GFRA1: variants seen among roughly 807,000 people sequenced by gnomAD.
The protein encoded by GFRA1 is GDNF family receptor alpha 1, also known as GDNF family receptor alpha-1.
Under a neutral mutation model 51.6 loss-of-function variants are expected in GFRA1, and 16 were observed. The ratio of observed to expected loss-of-function variants is 0.31; its 90% CI spans 0.21 to 0.47. The LOEUF is 0.47. Among genes scored for constraint, GFRA1 ranks in the 20% least tolerant of loss-of-function variants. GFRA1 has a pLI of 1.00. For missense variants in GFRA1, 530 were observed against 594.3 expected, an observed-to-expected ratio of 0.89 and a Z score of 1.13; for synonymous variants, 270 against 241.3, an observed-to-expected ratio of 1.12 and a Z score of -1.10.
intron 5 of GFRA1, among the ~76,000 whole-genome samples, chr10:116,163,149 A>G (rs533068142): frequency 6.6e-6 from 1 of 152,326 alleles, no homozygotes; most frequent in African/African-American, 2.4e-5. Context: ...GAAGGTCACT[A>G]AACACCTCTA....
chr10:116,083,313 G>A (rs1955939602), intron 9 of GFRA1, among the ~76,000 whole-genome samples: 1 of 152,122 alleles, frequency 6.6e-6, no homozygotes, highest in Non-Finnish European at 1.5e-5. Flanking sequence ...CTCTTTCCTC[G>A]CTTCTATCTT....
chr10:116,143,433 C>T (rs1157869915), intron 5 of GFRA1, among the ~76,000 whole-genome samples: 1 of 151,904 alleles, frequency 6.6e-6, no homozygotes, highest in Non-Finnish European at 1.5e-5. Context: ...ATGACAGATA[C>T]CCTAACCTCC....
At chr10:116,216,296 C>T (rs912818459) in intron 4 of GFRA1, among the ~76,000 whole-genome samples, 1 of 152,246 alleles carries the variant, frequency 6.6e-6, no homozygotes, top group Admixed American at 6.5e-5. Context: ...CCCTCTCTTG[C>T]GCCTGGGTTA....
Position 116,058,037 on chromosome 10 carries a change from T to TGTGTGA in GFRA1, c.*6355_*6360dup. On this transcript the variant is annotated 3_prime_UTR_variant, in exon 11 of 11. Coordinates refer to ENST00000355422, the MANE Select transcript of GFRA1 (RefSeq NM_005264.8). ...GTGTGTGTGTGTGTGTGTGTGTGTG[T>TGTGTGA]GTGTGACAGAGAGAACCACGCTTTA... The TGTGTGA allele has an allele frequency of 8.5e-6, 1 of 118,312 alleles. No homozygotes were observed. Among genetic ancestry groups the TGTGTGA allele is most frequent in the Non-Finnish European group, 1.7e-5 (1 of 57,352 alleles). The allele number at this position is 118,312 out of a possible 1,614,324, so 7.3% of individuals were successfully genotyped here. A position where few individuals can be genotyped will look rare whatever the true frequency, so the allele number is the denominator to read the frequency against.
intron 4 of GFRA1, among the ~76,000 whole-genome samples, chr10:116,247,478 C>A (rs1967961440): frequency 6.6e-6 from 1 of 152,218 alleles, no homozygotes; most frequent in Non-Finnish European, 1.5e-5. Flanking sequence ...ACCCCAGAGT[C>A]CTTATCCCGT....
intron 5 of GFRA1, among the ~76,000 whole-genome samples, chr10:116,155,831 G>A (rs774575097): frequency 9.9e-5 from 15 of 152,140 alleles, no homozygotes; most frequent in Non-Finnish European, 1.6e-4. Context: ...ATGTTTATGG[G>A]CTTGGTAAAA....
intron 5 of GFRA1, among the ~76,000 whole-genome samples, chr10:116,174,634 A>G (rs1467683572): frequency 6.6e-6 from 1 of 152,168 alleles, no homozygotes; most frequent in Non-Finnish European, 1.5e-5. Context: ...AATGGGTTAG[A>G]TTTTTCAATT....
Position 116,271,125 on chromosome 10 carries a change from A to C in GFRA1, c.41-10T>G. On this transcript the variant is annotated splice_polypyrimidine_tract_variant and intron_variant, in intron 2 of 10. Transcript: ENST00000355422. ...GCCGACAGGAGCAAGTCTGCGGGGC[A>C]GAGGGGAGGGAGCCTGAGTGCGGCG... 1 of 1,596,340 alleles carries C rather than the reference A, an allele frequency of 6.3e-7. No homozygotes were observed. The highest frequency in any genetic ancestry group is 8.6e-7 in the Non-Finnish European group (1 of 1,166,812).
At chr10:116,258,461 TATGTAATATATACGTAACATATATA>T (rs1271167569) in intron 4 of GFRA1, among the ~76,000 whole-genome samples, 1 of 148,102 alleles carries the variant, frequency 6.8e-6, no homozygotes, top group Non-Finnish European at 1.5e-5. Context: ...ATAATGTATA[TATGTAATATATACGTAACATATATA>T]ATGTAATATA....
intron 5 of GFRA1, among the ~76,000 whole-genome samples, chr10:116,147,498 C>T (rs1020215136): frequency 6.6e-6 from 1 of 152,048 alleles, no homozygotes; most frequent in Non-Finnish European, 1.5e-5. Flanking sequence ...CTTGACTCCC[C>T]ACAGAAAGGG....
intron 6 of GFRA1, among the ~76,000 whole-genome samples, chr10:116,099,095 G>C (rs902040707): frequency 2.6e-5 from 4 of 152,164 alleles, no homozygotes; most frequent in Non-Finnish European, 4.4e-5. Flanking sequence ...TTGGAGACAG[G>C]ATACTCACAT....
At chr10:116,071,004 T>C (rs1955365134) in intron 9 of GFRA1, among the ~76,000 whole-genome samples, 1 of 152,204 alleles carries the variant, frequency 6.6e-6, no homozygotes, top group Non-Finnish European at 1.5e-5. Context: ...AGTGGACACA[T>C]AAATAAAACC....
intron 5 of GFRA1, among the ~76,000 whole-genome samples, chr10:116,176,451 T>C (rs1032638882): frequency 1.3e-5 from 2 of 152,042 alleles, no homozygotes; most frequent in Non-Finnish European, 2.9e-5. Context: ...GCAATGGTGT[T>C]CTCGGGAGAT....
At chr10:116,142,113 C>T (rs1048286538) in intron 5 of GFRA1, among the ~76,000 whole-genome samples, 8 of 123,982 alleles carry the variant, frequency 6.5e-5, no homozygotes, top group Admixed American at 1.7e-4. Flanking sequence ...GCTGAATGGA[C>T]GTGGACCAAG....
At chr10:116,181,987 A>G (rs1232231049) in intron 5 of GFRA1, among the ~76,000 whole-genome samples, 4 of 152,210 alleles carry the variant, frequency 2.6e-5, no homozygotes, top group African/African-American at 7.2e-5. Context: ...GAAACTCAGC[A>G]AGCTCTGTAG....
chr10:116,152,462 T>C (rs1959101022), intron 5 of GFRA1, among the ~76,000 whole-genome samples: 1 of 152,024 alleles, frequency 6.6e-6, no homozygotes, highest in African/African-American at 2.4e-5. Context: ...TGTCACATGG[T>C]GGGAGTAGGG....
chr10:116,204,057 T>G (rs1457625011), intron 5 of GFRA1, among the ~76,000 whole-genome samples: 1 of 152,234 alleles, frequency 6.6e-6, no homozygotes, highest in Non-Finnish European at 1.5e-5. Flanking sequence ...TGAGCAGTCA[T>G]GTCTGGCCTT....
In GFRA1 at chr10:116,062,109, G is replaced by C. The variant is rs558523523; in HGVS notation, c.*2289C>G. ...GCATTCTTCAATGAAGGCTGCCCTT[G>C]TTAGCGCTGAAACTCCCATTTCCGC... is the stretch of plus-strand genomic sequence containing the variant. On this transcript the variant is annotated 3_prime_UTR_variant, in exon 11 of 11. Coordinates refer to ENST00000355422, the MANE Select transcript of GFRA1 (RefSeq NM_005264.8). 2.5e-6 allele frequency: 1 copy of C among 398,564 alleles called. No individual in the cohort carries two copies. Among genetic ancestry groups the C allele is most frequent in the South Asian group, 1.3e-4 (1 of 7,854 alleles). 24.7% of individuals were successfully genotyped at this position (398,564 alleles called of 1,614,324 possible).
chr10:116,224,001 A>G lies in GFRA1; in HGVS notation c.419-12356T>C, dbSNP rs987347217. Reference sequence around the variant, plus strand: ...TTCCTTCCCTCAGGAGAATATGGCAATAAAGGGTGCCATCTTGGAAACAGA... The same window carrying G: ...TTCCTTCCCTCAGGAGAATATGGCAGTAAAGGGTGCCATCTTGGAAACAGA... On this transcript the variant is annotated intron_variant, in intron 4 of 10. Coordinates refer to ENST00000355422, the MANE Select transcript of GFRA1 (RefSeq NM_005264.8). 3.9e-5 allele frequency among the ~76,000 whole-genome samples: 6 copies of G among 152,308 alleles called. No individual in the cohort carries two copies. In the East Asian group the frequency reaches 1.2e-3, roughly 29 times the overall value.
Sources: allele counts gnomAD v4.1 joint callset (sites outside exome capture counted in the v4.1 genomes callset), GRCh38; gene constraint gnomAD v4.1.1; transcripts MANE v1.5; gene names NCBI Gene and HGNC (gene_info 2026-07-23, HGNC 2026-07-21).